Variants in CSNK2A2IP observed in about 807,000 individuals in gnomAD.
CSNK2A2IP encodes the protein casein kinase 2 subunit alpha' interacting protein.
chr3:88,350,361 T>C, the CSNK2A2IP span, among the ~76,000 whole-genome samples: 2 of 152,110 alleles, frequency 1.3e-5, no homozygotes, highest in Non-Finnish European at 2.9e-5. Context: ...TTAATCTCCT[T>C]GTGAAGGAAA....
chr3:88,390,636 T>C, the CSNK2A2IP span, among the ~76,000 whole-genome samples: 1 of 152,254 alleles, frequency 6.6e-6, no homozygotes, highest in Admixed American at 6.5e-5. Context: ...AAAAGTTGTA[T>C]GCTTTGTAGG....
chr3:88,373,368 T>G, the CSNK2A2IP span, among the ~76,000 whole-genome samples: 1 of 151,114 alleles, frequency 6.6e-6, no homozygotes, highest in Non-Finnish European at 1.5e-5. Context: ...ACTAATAAAC[T>G]CTAAAAATAA....
At chr3:88,356,682 C>T in the CSNK2A2IP span, among the ~76,000 whole-genome samples, 1 of 152,196 alleles carries the variant, frequency 6.6e-6, no homozygotes, top group East Asian at 1.9e-4. Flanking sequence ...ACTGTTTTCT[C>T]TAGTGGCTAT....
chr3:88,353,291 GA>G, the CSNK2A2IP span, among the ~76,000 whole-genome samples: 3 of 152,222 alleles, frequency 2.0e-5, no homozygotes, highest in African/African-American at 7.2e-5. Context: ...AGTCACAGAG[GA>G]AATGAATATA....
the CSNK2A2IP span, among the ~76,000 whole-genome samples, chr3:88,427,222 G>A: frequency 3.9e-5 from 6 of 152,314 alleles, no homozygotes; most frequent in South Asian, 8.3e-4. Context: ...CTTTAGCAAA[G>A]AGGCTGCCCT....
At chr3:88,428,795 G>A in the CSNK2A2IP span, among the ~76,000 whole-genome samples, 59 of 152,134 alleles carry the variant, frequency 3.9e-4, no homozygotes, top group African/African-American at 1.3e-3. Context: ...TCATTTGTAA[G>A]ACATGAGAAT....
At chr3:88,369,117 G>A in the CSNK2A2IP span, among the ~76,000 whole-genome samples, 141 of 152,082 alleles carry the variant, frequency 9.3e-4, 1 homozygote, top group African/African-American at 3.1e-3. Context: ...GGAGGGCAAG[G>A]ATTGGGGAAA....
the CSNK2A2IP span, among the ~76,000 whole-genome samples, chr3:88,449,392 C>A: frequency 6.6e-6 from 1 of 151,956 alleles, no homozygotes; most frequent in Non-Finnish European, 1.5e-5. Context: ...CAGAAAATAA[C>A]CTTGTTTGCT....
chr3:88,418,993 G>A, the CSNK2A2IP span, among the ~76,000 whole-genome samples: 1 of 152,194 alleles, frequency 6.6e-6, no homozygotes, highest in Non-Finnish European at 1.5e-5. Flanking sequence ...AACTGTGCAT[G>A]TAGGGGATCT....
At chr3:88,364,698 T>C in the CSNK2A2IP span, among the ~76,000 whole-genome samples, 7 of 152,276 alleles carry the variant, frequency 4.6e-5, no homozygotes, top group South Asian at 2.1e-4. Flanking sequence ...AAATTAATGA[T>C]TGTATTAATT....
chr3:88,438,700 G>A, the CSNK2A2IP span, among the ~76,000 whole-genome samples: 27 of 152,050 alleles, frequency 1.8e-4, no homozygotes, highest in Non-Finnish European at 3.4e-4. Flanking sequence ...TCCACACACT[G>A]TTCACTCTTT....
chr3:88,397,426 T>C, the CSNK2A2IP span, among the ~76,000 whole-genome samples: 1 of 152,184 alleles, frequency 6.6e-6, no homozygotes, highest in African/African-American at 2.4e-5. Context: ...TCAAGTTCTA[T>C]AAAATTACTA....
chr3:88,452,447 G>T, the CSNK2A2IP span, among the ~76,000 whole-genome samples: 1 of 152,146 alleles, frequency 6.6e-6, no homozygotes, highest in Non-Finnish European at 1.5e-5. Flanking sequence ...CACATGCTAA[G>T]CCCACAGTTA....
the CSNK2A2IP span, among the ~76,000 whole-genome samples, chr3:88,340,361 T>A: frequency 6.6e-6 from 1 of 152,012 alleles, no homozygotes; most frequent in Non-Finnish European, 1.5e-5. Flanking sequence ...GCACTTAAAA[T>A]TTTTAAAAAA....
chr3:88,432,179 A>G, the CSNK2A2IP span, among the ~76,000 whole-genome samples: 1 of 151,924 alleles, frequency 6.6e-6, no homozygotes, highest in Non-Finnish European at 1.5e-5. Context: ...ATGAATAATT[A>G]AAAAGTATAT....
the CSNK2A2IP span, chr3:88,399,566 T>G: frequency 6.6e-6 from 1 of 152,196 alleles, no homozygotes; most frequent in South Asian, 2.1e-4. Flanking sequence ...GCTGGTAAGG[T>G]GCTGGACATT....
chr3:88,453,424 T>A, the CSNK2A2IP span, among the ~76,000 whole-genome samples: 1 of 152,108 alleles, frequency 6.6e-6, no homozygotes, highest in African/African-American at 2.4e-5. Context: ...TTAAGTTAAG[T>A]AGAAGCTGCT....
chr3:88,349,791 C>A, the CSNK2A2IP span, among the ~76,000 whole-genome samples: 1 of 152,070 alleles, frequency 6.6e-6, no homozygotes, highest in Non-Finnish European at 1.5e-5. Context: ...TCCATGCCAA[C>A]ATCTATTTTT....
chr3:88,463,015 G>A, the CSNK2A2IP span, among the ~76,000 whole-genome samples: 1 of 152,072 alleles, frequency 6.6e-6, no homozygotes, highest in South Asian at 2.1e-4. Flanking sequence ...AAAAATAAAT[G>A]CAAAGAAAAA....
Sources: gnomAD v4.1 joint callset for allele counts (sites outside exome capture counted in the v4.1 genomes callset) on GRCh38, gnomAD v4.1.1 for gene constraint, MANE v1.5 for transcripts, NCBI Gene and HGNC (gene_info 2026-07-23, HGNC 2026-07-21) for gene names.